The following BATF3 variants were observed in gnomAD, a reference collection of about 807,000 sequenced individuals.
BATF3 encodes the protein basic leucine zipper ATF-like transcription factor 3.
BATF3 carries 8 observed loss-of-function variants against 16.1 expected under a neutral mutation model. That is an observed-to-expected ratio of 0.50 (90% CI 0.29 to 0.90). The LOEUF (loss-of-function observed/expected upper bound fraction) is 0.90, where lower values mean the gene tolerates loss of function less well. Among genes scored for constraint, BATF3 ranks in the 40% least tolerant of loss-of-function variants. BATF3 has a pLI of 0.08. For synonymous variants in BATF3, 74 were observed against 72.7 expected (o/e 1.02, Z -0.09); for missense variants, 139 against 167.0 (o/e 0.83, Z 0.92).
chr1:212,694,944 A>G (rs182622776), intron 2 of BATF3, among the ~76,000 whole-genome samples: 1 of 152,312 alleles, frequency 6.6e-6, no homozygotes, highest in African/African-American at 2.4e-5. Flanking sequence ...TCTGTGGAGT[A>G]TGTACATTCT....
Position 212,686,595 on chromosome 1 carries a change from A to G in BATF3, c.*196T>C. 1.1e-6 allele frequency: 1 copy of G among 876,138 alleles called. No individual in the cohort carries two copies. The highest frequency in any genetic ancestry group is 1.7e-6 in the Non-Finnish European group (1 of 595,222). 54.3% of individuals were successfully genotyped at this position (876,138 alleles called of 1,614,324 possible). The stretch of plus-strand genomic sequence containing the variant: ...GGTGGCCTCCATGCTGGATCTGCAC[A>G]AGGGCTCTGTGAGTTTGGCGCCTGT... On this transcript the variant is annotated 3_prime_UTR_variant, in exon 3 of 3. Coordinates refer to ENST00000243440, the MANE Select transcript of BATF3 (RefSeq NM_018664.3).
At chr1:212,692,332 G>C (rs998525617) in intron 2 of BATF3, among the ~76,000 whole-genome samples, 13 of 152,104 alleles carry the variant, frequency 8.5e-5, no homozygotes, top group African/African-American at 2.9e-4. Flanking sequence ...CCTGAGCAAG[G>C]ATAATATGCA....
At chr1:212,697,126 T>C in intron 1 of BATF3, 61 bp from the exon 2 acceptor site, 2 of 1,337,228 alleles carry the variant, frequency 1.5e-6, no homozygotes, top group Non-Finnish European at 2.1e-6. Flanking sequence ...TTTTCTGCCC[T>C]GTCTCATCAC....
At position 212,690,260 on chromosome 1, in the gene BATF3, C is replaced by T. The variant is rs150989333; in HGVS notation, c.196-3281G>A. 1.4e-3 allele frequency among the ~76,000 whole-genome samples: 218 copies of T among 152,322 alleles called. 1 individual carries two copies. Among genetic ancestry groups the T allele is most frequent in the Non-Finnish European group, 2.7e-3 (183 of 68,034 alleles). On this transcript the variant is annotated intron_variant, in intron 2 of 2. Coordinates refer to ENST00000243440, the MANE Select transcript of BATF3 (RefSeq NM_018664.3). ...ACATATACTGAATTCCGCAGCAAGA[C>T]GCTCTGAGCTTCCCAGTTTTGTCTC...
Position 212,699,492 on chromosome 1 carries a change from T to C in BATF3, c.90+181A>G, listed in dbSNP as rs1395460234. Among the ~76,000 whole-genome samples, 1 of 151,838 alleles carries C rather than the reference T, an allele frequency of 6.6e-6. No homozygotes were observed. Among genetic ancestry groups the C allele is most frequent in the Non-Finnish European group, 1.5e-5 (1 of 67,944 alleles). On this transcript the variant is annotated intron_variant, in intron 1 of 2. Coordinates refer to ENST00000243440, the MANE Select transcript of BATF3 (RefSeq NM_018664.3). This position sits in a 1 kb window ranked among gnomAD's most constrained non-coding sequence, Gnocchi z 4.4. ...CGCGGACACTGTGCGCACGACAGGGTCCCTGGATCGCCCCCATTCCCCAAC... is the reference window on the plus strand; with the variant it reads ...CGCGGACACTGTGCGCACGACAGGGCCCCTGGATCGCCCCCATTCCCCAAC...
rs1201606033 is a variant in BATF3, at chr1:212,699,457, T to C, written c.90+216A>G. Among the ~76,000 whole-genome samples, 10 of 152,002 alleles carry C rather than the reference T, an allele frequency of 6.6e-5. No individual in the cohort carries two copies. The highest frequency in any genetic ancestry group is 3.9e-4 in the Admixed American group (6 of 15,276). On this transcript the variant is annotated intron_variant, in intron 1 of 2. Transcript: ENST00000243440. The surrounding 1 kb of genome is among the most constrained non-coding windows in gnomAD (Gnocchi z 4.4). Reference sequence around the variant, plus strand: ...GGCGCAGGAGCTGGCTCAGGAGCCATTCCAGGAGCCGCGGACACTGTGCGC... The same window carrying C: ...GGCGCAGGAGCTGGCTCAGGAGCCACTCCAGGAGCCGCGGACACTGTGCGC...
At chr1:212,692,759 A>T (rs1558020584) in intron 2 of BATF3, among the ~76,000 whole-genome samples, 1 of 152,236 alleles carries the variant, frequency 6.6e-6, no homozygotes, top group Non-Finnish European at 1.5e-5. Flanking sequence ...ACTTTAAACA[A>T]GTTTGCTCCA....
chr1:212,686,756 A>G lies in BATF3; in HGVS notation c.*35T>C, dbSNP rs1282692521. On this transcript the variant is annotated 3_prime_UTR_variant, in exon 3 of 3. Coordinates refer to ENST00000243440, the MANE Select transcript of BATF3 (RefSeq NM_018664.3). ...CTTCCTCCCAGGTATGAAAATGACC[A>G]AGGCTCCTTGCTGGGCAGAGGAGTG... 6.3e-7 allele frequency: 1 copy of G among 1,589,854 alleles called. No homozygotes were observed. Among genetic ancestry groups the G allele is most frequent in the Admixed American group, 1.7e-5 (1 of 58,830 alleles).
chr1:212,698,665 G>C (rs1390814052), intron 1 of BATF3: 1 of 152,204 alleles, frequency 6.6e-6, no homozygotes, highest in East Asian at 1.9e-4. Flanking sequence ...ACTAGCACAA[G>C]AAAGCAGCCT....
rs1006610185 is a variant in BATF3, at chr1:212,699,814, C to T, written c.-52G>A. ...CCCCGCCCCGCCCGCGCGCCCTGCC[C>T]GTGGGGCTGCCTACGGGCGCTGTCC... is the stretch of plus-strand genomic sequence containing the variant. On this transcript the variant is annotated 5_prime_UTR_variant, in exon 1 of 3. Coordinates refer to ENST00000243440, the MANE Select transcript of BATF3 (RefSeq NM_018664.3). The surrounding 1 kb of genome is among the most constrained non-coding windows in gnomAD (Gnocchi z 4.4). 3.6e-6 allele frequency: 4 copies of T among 1,111,252 alleles called. No individual in the cohort carries two copies. In the African/African-American group the frequency reaches 6.7e-5, roughly 19 times the overall value. The allele number at this position is 1,111,252 out of a possible 1,614,324, so 68.8% of individuals were successfully genotyped here.
chr1:212,697,785 A>C (rs753385745), intron 1 of BATF3: 2 of 152,252 alleles, frequency 1.3e-5, no homozygotes, highest in Non-Finnish European at 2.9e-5. Context: ...TGAAACAGGC[A>C]GGCGGAAAAA....
intron 2 of BATF3, among the ~76,000 whole-genome samples, chr1:212,695,707 C>T (rs563697890): frequency 6.6e-6 from 1 of 152,076 alleles, no homozygotes; most frequent in South Asian, 2.1e-4. Flanking sequence ...ACACCAACCC[C>T]GACAAAGACA....
chr1:212,689,802 C>T lies in BATF3; in HGVS notation c.196-2823G>A, dbSNP rs1023023254. The stretch of plus-strand genomic sequence containing the variant: ...GCAAACACACTCACACACTCTCATA[C>T]ACAGCCCGACACACACACTCTCACA... On this transcript the variant is annotated intron_variant, in intron 2 of 2. Transcript: ENST00000243440. The surrounding 1 kb of genome is among the most constrained non-coding windows in gnomAD (Gnocchi z 4.6). Among the ~76,000 whole-genome samples, 1 of 150,968 alleles carries T rather than the reference C, an allele frequency of 6.6e-6. No homozygotes were observed. The highest frequency in any genetic ancestry group is 2.5e-5 in the African/African-American group (1 of 40,584).
intron 2 of BATF3, among the ~76,000 whole-genome samples, chr1:212,692,537 A>G (rs12069714): frequency 0.058 from 8,827 of 152,180 alleles, 849 homozygotes; most frequent in African/African-American, 0.19. Context: ...TCCCAGGTTC[A>G]AGCAATTCTC....
At chr1:212,694,118 A>T (rs1022917316) in intron 2 of BATF3, among the ~76,000 whole-genome samples, 1 of 152,182 alleles carries the variant, frequency 6.6e-6, no homozygotes, top group African/African-American at 2.4e-5. Flanking sequence ...GCAACCGGCC[A>T]TTGCTGGCTC....
chr1:212,686,871 A>G lies in BATF3; in HGVS notation c.304T>C (p.Cys102Arg). The G allele has an allele frequency of 6.2e-7, 1 of 1,614,216 alleles. No individual in the cohort carries two copies. The highest frequency in any genetic ancestry group is 1.1e-5 in the South Asian group (1 of 91,088). ...TEALKEHEKM[C>R]PLLLCPMNFV... ...TTCATAGGGCAGAGCAGCAGCGGGC[A>G]CATCTTCTCGTGCTCCTTCAGTGCC... Residue 102 changes from cysteine to arginine, a missense_variant, in exon 3 of 3, where the codon TGC becomes CGC. Transcript: ENST00000243440.
chr1:212,690,147 G>C (rs1427284140), intron 2 of BATF3, among the ~76,000 whole-genome samples: 1 of 152,214 alleles, frequency 6.6e-6, no homozygotes, highest in Non-Finnish European at 1.5e-5. Context: ...GAGTACATTT[G>C]AATAGTTCCA....
Position 212,686,702 on chromosome 1 carries a change from C to T in BATF3, c.*89G>A, listed in dbSNP as rs1656857774. On this transcript the variant is annotated 3_prime_UTR_variant, in exon 3 of 3. Transcript: ENST00000243440. The stretch of plus-strand genomic sequence containing the variant: ...CCAGGAGGAGGCCTGGCCACAGGTG[C>T]CCCCTGTATACAATTGTGAAGGAAA... 3.4e-6 allele frequency: 5 copies of T among 1,472,478 alleles called. No homozygotes were observed. Among genetic ancestry groups the T allele is most frequent in the African/African-American group, 2.8e-5 (2 of 71,558 alleles). 91.2% of individuals were successfully genotyped at this position (1,472,478 alleles called of 1,614,324 possible). A position where few individuals can be genotyped will look rare whatever the true frequency, so the allele number is the denominator to read the frequency against.
chr1:212,695,511 A>C (rs915419387), intron 2 of BATF3, among the ~76,000 whole-genome samples: 1 of 150,626 alleles, frequency 6.6e-6, no homozygotes, highest in Non-Finnish European at 1.5e-5. Context: ...AAAAAAAAAA[A>C]AAAAAACCTA....
Sources: gnomAD v4.1 joint callset for allele counts (sites outside exome capture counted in the v4.1 genomes callset) on GRCh38, gnomAD v4.1.1 for gene constraint, Gnocchi (gnomAD v3.1) non-coding constraint, MANE v1.5 for transcripts, NCBI Gene and HGNC (gene_info 2026-07-23, HGNC 2026-07-21) for gene names.